The following LDLRAD3 variants were observed in gnomAD, a reference collection of about 807,000 sequenced individuals.
LDLRAD3 encodes low-density lipoprotein receptor class A domain-containing protein 3.
Under a neutral mutation model 29.4 loss-of-function variants are expected in LDLRAD3, and 20 were observed. The ratio of observed to expected loss-of-function variants is 0.68; its 90% CI spans 0.48 to 0.99. The LOEUF (loss-of-function observed/expected upper bound fraction) is 0.99. LDLRAD3 is among the 50% of genes least tolerant of loss of function. The pLI is 0.00. For synonymous variants in LDLRAD3, 157 were observed against 192.7 expected, an observed-to-expected ratio of 0.81 and a Z score of 1.53; for missense variants, 420 against 454.3, an observed-to-expected ratio of 0.92 and a Z score of 0.69.
intron 1 of LDLRAD3, among the ~76,000 whole-genome samples, chr11:35,963,498 A>G (rs1305538124): frequency 1.3e-5 from 2 of 151,524 alleles, no homozygotes; most frequent in African/African-American, 4.9e-5. Flanking sequence ...TTATTCAGGG[A>G]GACTGATTTA....
chr11:36,063,535 A>C (rs779757009), intron 2 of LDLRAD3, among the ~76,000 whole-genome samples: 3 of 152,134 alleles, frequency 2.0e-5, no homozygotes, highest in African/African-American at 7.2e-5. Context: ...AGCTTCTTTG[A>C]CTTAGAATAA....
At chr11:36,198,391 A>ACT (rs1491072778) in intron 4 of LDLRAD3, among the ~76,000 whole-genome samples, 4 of 149,282 alleles carry the variant, frequency 2.7e-5, no homozygotes, top group Non-Finnish European at 5.9e-5. Flanking sequence ...ACACACACAC[A>ACT]CTTTCTCATC....
At chr11:36,096,674 C>T (rs974856412) in intron 3 of LDLRAD3, among the ~76,000 whole-genome samples, 5 of 152,250 alleles carry the variant, frequency 3.3e-5, no homozygotes, top group African/African-American at 1.2e-4. Context: ...GCAGTATCAG[C>T]TTTTTGGCCT....
At chr11:36,051,285 G>A (rs979283923) in intron 2 of LDLRAD3, among the ~76,000 whole-genome samples, 1 of 152,190 alleles carries the variant, frequency 6.6e-6, no homozygotes, top group Non-Finnish European at 1.5e-5. Flanking sequence ...GTCAGGCAGG[G>A]CCACATAAGC....
intron 4 of LDLRAD3, among the ~76,000 whole-genome samples, chr11:36,121,277 G>A (rs1041411477): frequency 1.3e-5 from 2 of 152,184 alleles, no homozygotes; most frequent in Admixed American, 1.3e-4. Context: ...CTAAGTGAGA[G>A]TGATGACTGG....
Position 36,191,630 on chromosome 11 carries a change from ACG to A in LDLRAD3, c.455-35453_455-35452del, listed in dbSNP as rs1854954412. Among the ~76,000 whole-genome samples, 11 of 146,834 alleles carry A rather than the reference ACG, an allele frequency of 7.5e-5. 1 individual carries two copies. In the South Asian group the frequency reaches 2.4e-3, roughly 32 times the overall value. On this transcript the variant is annotated intron_variant, in intron 4 of 5. Coordinates refer to ENST00000315571, the MANE Select transcript of LDLRAD3 (RefSeq NM_174902.4). ...CACACACACACACACACACGCACGCACGCACGCACAAAGAAGAAATTGATAGA... is the reference window on the plus strand; with the variant it reads ...CACACACACACACACACACGCACGCACACGCACAAAGAAGAAATTGATAGA...
At chr11:36,004,613 C>T (rs1320470034) in intron 1 of LDLRAD3, among the ~76,000 whole-genome samples, 1 of 152,202 alleles carries the variant, frequency 6.6e-6, no homozygotes, top group Non-Finnish European at 1.5e-5. Context: ...ACCCCCTTCT[C>T]ACAGCTCTAC....
chr11:35,965,765 T>A (rs1468843073), intron 1 of LDLRAD3, among the ~76,000 whole-genome samples: 2 of 152,144 alleles, frequency 1.3e-5, no homozygotes, highest in African/African-American at 2.4e-5. Flanking sequence ...CTATTTTTTT[T>A]AAAGAATAGT....
intron 3 of LDLRAD3, among the ~76,000 whole-genome samples, chr11:36,093,052 C>T (rs7926803): frequency 6.6e-6 from 1 of 152,156 alleles, no homozygotes; most frequent in Non-Finnish European, 1.5e-5. Context: ...GTCTCCTGAG[C>T]AACTATGCCC....
intron 1 of LDLRAD3, among the ~76,000 whole-genome samples, chr11:35,969,216 TC>T (rs1281892121): frequency 1.9e-4 from 29 of 152,320 alleles, no homozygotes; most frequent in African/African-American, 6.7e-4. Context: ...GCTTCTCTGC[TC>T]ACGCTGGTGT....
chr11:36,144,521 G>A (rs1854141351), intron 4 of LDLRAD3, among the ~76,000 whole-genome samples: 1 of 150,328 alleles, frequency 6.7e-6, no homozygotes, highest in Admixed American at 6.6e-5. Context: ...CTGAGATGTG[G>A]GGAGCGCCTC....
intron 1 of LDLRAD3, among the ~76,000 whole-genome samples, chr11:35,975,635 A>G (rs548530044): frequency 2.0e-5 from 3 of 152,348 alleles, no homozygotes; most frequent in African/African-American, 7.2e-5. Context: ...ATGATGGGTT[A>G]AAGGAAGTTA....
chr11:36,104,845 C>G (rs1381092968), intron 4 of LDLRAD3, among the ~76,000 whole-genome samples: 1 of 152,184 alleles, frequency 6.6e-6, no homozygotes, highest in African/African-American at 2.4e-5. Context: ...TCTGGTAACA[C>G]TGAGCTGGGC....
Position 36,060,066 on chromosome 11 carries a change from A to G in LDLRAD3, c.194-21587A>G, listed in dbSNP as rs568334154. Among the ~76,000 whole-genome samples the G allele has an allele frequency of 5.3e-5, 8 of 152,220 alleles. 1 individual carries two copies. The South Asian group carries it at 1.4e-3, about 28-fold the overall frequency. ...AGGAAATGGAGGCATCAGAAGTTATATAACTCAGCTGGGTGAGGTGGCTCA... is the reference window on the plus strand; with the variant it reads ...AGGAAATGGAGGCATCAGAAGTTATGTAACTCAGCTGGGTGAGGTGGCTCA... On this transcript the variant is annotated intron_variant, in intron 2 of 5. Transcript: ENST00000315571.
In LDLRAD3 at chr11:36,081,576, T is replaced by G. The variant is rs895487344; in HGVS notation, c.194-77T>G. 1.9e-6 allele frequency: 3 copies of G among 1,565,292 alleles called. No individual in the cohort carries two copies. In the African/African-American group the frequency reaches 4.1e-5, roughly 21 times the overall value. ...AATCTTAAGTGGACTCATTTTCACA[T>G]TCAGTGTTAGTGGGATGAGTATGCA... On this transcript the variant is annotated intron_variant, in intron 2 of 5. Coordinates refer to ENST00000315571, the MANE Select transcript of LDLRAD3 (RefSeq NM_174902.4).
chr11:36,060,950 T>C (rs991829437), intron 2 of LDLRAD3, among the ~76,000 whole-genome samples: 1 of 152,220 alleles, frequency 6.6e-6, no homozygotes, highest in Non-Finnish European at 1.5e-5. Context: ...TATATAAAAG[T>C]GTGTCCCTGG....
chr11:36,118,426 T>C (rs1317434411), intron 4 of LDLRAD3, among the ~76,000 whole-genome samples: 1 of 152,014 alleles, frequency 6.6e-6, no homozygotes, highest in Non-Finnish European at 1.5e-5. Context: ...GCATTGTATA[T>C]GGTATCAGCA....
intron 5 of LDLRAD3, among the ~76,000 whole-genome samples, chr11:36,228,889 C>T (rs1029877283): frequency 2.6e-5 from 4 of 152,178 alleles, no homozygotes; most frequent in African/African-American, 9.7e-5. Context: ...AGCCGAGGGA[C>T]TTGGTGGGCG....
chr11:36,049,662 G>T (rs1051461480), intron 2 of LDLRAD3, among the ~76,000 whole-genome samples: 2 of 152,206 alleles, frequency 1.3e-5, no homozygotes, highest in Admixed American at 6.5e-5. Flanking sequence ...GCTGTTGGGT[G>T]TTCTAGAATC....
Sources: gnomAD v4.1 joint callset for allele counts (sites outside exome capture counted in the v4.1 genomes callset) on GRCh38, gnomAD v4.1.1 for gene constraint, MANE v1.5 for transcripts, NCBI Gene and HGNC (gene_info 2026-07-23, HGNC 2026-07-21) for gene names.